Variants in HNRNPL observed in about 807,000 individuals in gnomAD.
HNRNPL encodes epididymis secretory sperm binding protein.
HNRNPL carries 12 observed loss-of-function variants against 64.0 expected under a neutral mutation model. That is an observed-to-expected ratio of 0.19 (90% confidence interval 0.12 to 0.30). HNRNPL has a LOEUF of 0.30. HNRNPL is among the 10% of genes least tolerant of loss of function. The pLI is 1.00. For synonymous variants in HNRNPL, 385 were observed against 313.0 expected (o/e 1.23, Z -2.43); for missense variants, 484 against 797.4 (o/e 0.61, Z 4.73).
intron 1 of HNRNPL, chr19:38,849,494 C>A (rs1176017502): frequency 4.7e-6 from 3 of 644,572 alleles, no homozygotes; most frequent in Admixed American, 4.4e-5. Flanking sequence ...CTCCCCCACA[C>A]CCCGCTCCGG....
chr19:38,848,437 A>C (rs1378219914), intron 1 of HNRNPL, among the ~76,000 whole-genome samples: 1 of 152,218 alleles, frequency 6.6e-6, no homozygotes, highest in Non-Finnish European at 1.5e-5. Context: ...CATACCATTA[A>C]GAACCGACTG....
chr19:38,850,156 C>T, upstream of HNRNPL: 1 of 489,494 alleles, frequency 2.0e-6, no homozygotes, highest in Non-Finnish European at 3.5e-6. Context: ...TTGTCTGAGA[C>T]ACTCCTTATA....
chr19:38,841,980 G>A (rs1972131100), intron 6 of HNRNPL: 1 of 295,066 alleles, frequency 3.4e-6, no homozygotes, highest in Non-Finnish European at 6.7e-6. Context: ...CACTACGCTC[G>A]CGCTTTTGGC....
chr19:38,843,565 G>A lies in HNRNPL; in HGVS notation c.880+277C>T, dbSNP rs1017123943. 4.3e-5 allele frequency: 20 copies of A among 465,104 alleles called. 1 individual carries two copies. The South Asian group carries it at 4.5e-4, about 10-fold the overall frequency. 28.8% of individuals were successfully genotyped at this position (465,104 alleles called of 1,614,324 possible). A position where few individuals can be genotyped will look rare whatever the true frequency, so the allele number is the denominator to read the frequency against. On this transcript the variant is annotated intron_variant, in intron 6 of 12. Coordinates refer to ENST00000221419, the MANE Select transcript of HNRNPL (RefSeq NM_001533.3). ...TGCTGGTTTCTAAGGCCGCCCCCAC[G>A]CCTCATCCTCAGTGAGGCCCTGCTC...
In HNRNPL at chr19:38,836,647, T is replaced by C. The variant is rs369024340; in HGVS notation, c.*75A>G. 3.0e-6 allele frequency: 1 copy of C among 329,168 alleles called. No homozygotes were observed. Among genetic ancestry groups the C allele is most frequent in the Non-Finnish European group, 4.8e-6 (1 of 206,454 alleles). The allele number at this position is 329,168 out of a possible 1,614,324, so 20.4% of individuals were successfully genotyped here. On this transcript the variant is annotated 3_prime_UTR_variant, in exon 13 of 13. Coordinates refer to ENST00000221419, the MANE Select transcript of HNRNPL (RefSeq NM_001533.3). ...AAAGGAATACAAGATCTTTTGCAAA[T>C]AACAAAAACAAAAAATGGCATAAAG...
At position 38,840,516 on chromosome 19, in the gene HNRNPL, A is replaced by G. The variant is rs1456060848; in HGVS notation, c.924T>C (p.Pro308=). The G allele has an allele frequency of 1.9e-6, 3 of 1,593,224 alleles. No individual in the cohort carries two copies. The African/African-American group carries it at 4.0e-5, about 21-fold the overall frequency. ...ATTCTGCGGGGTGATCTCCCAGGAG[A>G]GGGGGCTGCCTCTGGCGTTTGTTGG... is the stretch of plus-strand genomic sequence containing the variant. ...SNPNKRQRQP[P]LLGDHPAEYG... is the part of the protein sequence containing the mutation. The change falls in exon 7 of 13, where the codon CCT becomes CCC. Residue 308 remains proline, a synonymous_variant. Transcript: ENST00000221419.
intron 4 of HNRNPL, chr19:38,845,445 C>T (rs935483160): frequency 2.9e-5 from 17 of 591,308 alleles, no homozygotes; most frequent in Non-Finnish European, 4.5e-5. Flanking sequence ...CAACACACTG[C>T]TCTCTCCCCT....
Position 38,838,989 on chromosome 19 carries a change from C to T in HNRNPL, c.1260G>A (p.Gly420=), listed in dbSNP as rs760460749. Residue 420 remains glycine (G), a synonymous_variant, in exon 9 of 13, where the codon GGG becomes GGA. Transcript: ENST00000221419. ...EKVKFMKSKP[G]AAMVEMADGY... is the part of the protein sequence containing the mutation. ...CATCAGCCATCTCCACCATGGCGGCCCCCGGCTTGCTTTTCATGAATTTCA... is the reference window on the plus strand; with the variant it reads ...CATCAGCCATCTCCACCATGGCGGCTCCCGGCTTGCTTTTCATGAATTTCA... 2.5e-6 allele frequency: 4 copies of T among 1,614,050 alleles called. No homozygotes were observed. Among genetic ancestry groups the T allele is most frequent in the Non-Finnish European group, 8.5e-7 (1 of 1,180,030 alleles).
rs1220350960 is a variant in HNRNPL at position 38,840,165 on chromosome 19, G to A, written c.1164C>T (p.Gly388=). The change falls in exon 8 of 13, where the codon GGC becomes GGT. Residue 388 remains glycine, a synonymous_variant. Transcript: ENST00000221419. ...HADSPVLMVY[G]LDQSKMNCDR... ...CACAGTTCATCTTAGATTGATCCAA[G>A]CCATAGACCATGAGCACAGGGCTGT... is the stretch of plus-strand genomic sequence containing the variant. 2.2e-6 allele frequency: 3 copies of A among 1,360,868 alleles called. No individual in the cohort carries two copies. The highest frequency in any genetic ancestry group is 9.7e-7 in the Non-Finnish European group (1 of 1,027,790). 84.3% of individuals were successfully genotyped at this position (1,360,868 alleles called of 1,614,324 possible).
Position 38,847,715 on chromosome 19 carries a change from C to T in HNRNPL, c.268-281G>A, listed in dbSNP as rs77546946. ...AGGGCCACACAAGTCCCAAATCTTA[C>T]GTTCTTCCAGGGACCCCCCTCTCTT... On this transcript the variant is annotated intron_variant, in intron 1 of 12. Transcript: ENST00000221419. 1.4e-3 allele frequency: 304 copies of T among 224,546 alleles called. 3 individuals are homozygous for T. The highest frequency in any genetic ancestry group is 5.6e-3 in the African/African-American group (247 of 44,346). 13.9% of individuals were successfully genotyped at this position (224,546 alleles called of 1,614,324 possible).
At chr19:38,849,127 G>A (rs1055212966) in intron 1 of HNRNPL, among the ~76,000 whole-genome samples, 1 of 152,210 alleles carries the variant, frequency 6.6e-6, no homozygotes, top group African/African-American at 2.4e-5. Flanking sequence ...ACTCCTAAAA[G>A]GCTAAAAGTG....
chr19:38,843,639 G>A, intron 6 of HNRNPL: 1 of 588,154 alleles, frequency 1.7e-6, no homozygotes, highest in Admixed American at 3.1e-5. Context: ...AGCAGCATCG[G>A]AGGGCCCCAA....
At chr19:38,847,126 G>A (rs73930213) in intron 2 of HNRNPL, among the ~76,000 whole-genome samples, 190 bp downstream of exon 2, 3,348 of 152,190 alleles carry the variant, frequency 0.022, 129 homozygotes, top group African/African-American at 0.076. Context: ...AAAAACGAAG[G>A]AAGGAAAAAG....
intron 6 of HNRNPL, 31 bp from the exon 7 acceptor site, chr19:38,840,590 A>C: frequency 1.3e-5 from 20 of 1,541,196 alleles, no homozygotes; most frequent in East Asian, 2.4e-5. Flanking sequence ...TAGGAGTCTC[A>C]CTCAGAAATT....
intron 2 of HNRNPL, among the ~76,000 whole-genome samples, chr19:38,846,445 T>C (rs566503061): frequency 1.3e-5 from 2 of 152,312 alleles, no homozygotes; most frequent in Non-Finnish European, 2.9e-5. Flanking sequence ...GTATATAGCA[T>C]GCACCAAATA....
chr19:38,849,874 C>G lies in HNRNPL; in HGVS notation c.93G>C (p.Ala31=). 1.6e-6 allele frequency: 2 copies of G among 1,219,058 alleles called. No homozygotes were observed. Among genetic ancestry groups the G allele is most frequent in the Non-Finnish European group, 1.2e-6 (1 of 860,314 alleles). The allele number at this position is 1,219,058 out of a possible 1,614,324, so 75.5% of individuals were successfully genotyped here. The part of the protein sequence containing the change: ...QPDEQRRRSG[A]MVKMAAAGGG... ...CGCCCGCCGCCGCCATCTTCACCAT[C>G]GCTCCCGACCGCCTCCGCTGCTCGT... Residue 31 remains alanine, a synonymous_variant, in exon 1 of 13, where the codon GCG becomes GCC. Transcript: ENST00000221419.
At chr19:38,844,694 C>A (rs1186322313) in intron 4 of HNRNPL, 1 of 151,604 alleles carries the variant, frequency 6.6e-6, no homozygotes, top group African/African-American at 2.4e-5. Flanking sequence ...TCCTCAGCAA[C>A]CTTCACACAT....
chr19:38,841,554 CAGA>C, intron 6 of HNRNPL: 1 of 721,616 alleles, frequency 1.4e-6, no homozygotes, highest in Non-Finnish European at 2.1e-6. Flanking sequence ...CTACTTACAG[CAGA>C]AGTACAGAGT....
At chr19:38,838,242 C>G (rs1971994366) in intron 10 of HNRNPL, among the ~76,000 whole-genome samples, 155 bp downstream of exon 10, 1 of 152,222 alleles carries the variant, frequency 6.6e-6, no homozygotes, top group African/African-American at 2.4e-5. Flanking sequence ...GCACAGATTC[C>G]TATCTGTCCT....
Sources: gnomAD v4.1 joint callset for allele counts (sites outside exome capture counted in the v4.1 genomes callset) on GRCh38, gnomAD v4.1.1 for gene constraint, MANE v1.5 for transcripts, NCBI Gene and HGNC (gene_info 2026-07-23, HGNC 2026-07-21) for gene names.